TMEM200A: variants seen among roughly 807,000 people sequenced by gnomAD.
TMEM200A encodes two transmembrane C.
In TMEM200A, 12 loss-of-function variants were observed where a neutral mutation model predicts 24.3. The observed-to-expected ratio is 0.49, with a 90% CI of 0.32 to 0.80. The LOEUF is 0.80. Ranked by LOEUF, TMEM200A falls within the 30% of genes least tolerant of loss-of-function variation. The pLI, the probability that TMEM200A is intolerant of heterozygous loss-of-function variation, is 0.04. For synonymous variants in TMEM200A, 224 were observed against 224.4 expected, an observed-to-expected ratio of 1.00 and a Z score of 0.02; for missense variants, 545 against 614.4, an observed-to-expected ratio of 0.89 and a Z score of 1.19.
intron 2 of TMEM200A, among the ~76,000 whole-genome samples, chr6:130,434,236 G>GA (rs559737340): frequency 2.0e-5 from 3 of 152,120 alleles, no homozygotes; most frequent in Non-Finnish European, 2.9e-5. Context: ...GGGACAGCAT[G>GA]AAAAAACAAT....
At chr6:130,405,733 T>C (rs1272296692) in intron 2 of TMEM200A, among the ~76,000 whole-genome samples, 1 of 152,214 alleles carries the variant, frequency 6.6e-6, no homozygotes, top group Non-Finnish European at 1.5e-5. Context: ...AGCAGCCCTC[T>C]TGTGCACACC....
intron 2 of TMEM200A, among the ~76,000 whole-genome samples, chr6:130,417,207 A>G (rs1250181844): frequency 6.6e-6 from 1 of 152,224 alleles, no homozygotes; most frequent in Non-Finnish European, 1.5e-5. Flanking sequence ...GACACATAGT[A>G]GATGCTAATT....
At chr6:130,434,376 G>A (rs1252201776) in intron 2 of TMEM200A, among the ~76,000 whole-genome samples, 1 of 152,222 alleles carries the variant, frequency 6.6e-6, no homozygotes, top group East Asian at 1.9e-4. Context: ...ATGGCTAAAA[G>A]GAATGGCTGG....
At chr6:130,384,602 C>T (rs1778672310) in intron 1 of TMEM200A, among the ~76,000 whole-genome samples, 1 of 152,146 alleles carries the variant, frequency 6.6e-6, no homozygotes, top group Non-Finnish European at 1.5e-5. Context: ...GTGATCCATC[C>T]TGCCTGGCCA....
intron 2 of TMEM200A, among the ~76,000 whole-genome samples, chr6:130,399,161 C>T (rs1779024970): frequency 1.3e-5 from 2 of 152,058 alleles, no homozygotes; most frequent in Admixed American, 6.6e-5. Context: ...TACTTACTCA[C>T]ATTATTGTTC....
At chr6:130,374,791 A>T (rs907453151) in intron 1 of TMEM200A, among the ~76,000 whole-genome samples, 2 of 152,146 alleles carry the variant, frequency 1.3e-5, no homozygotes, top group African/African-American at 4.8e-5. Context: ...CCCAGAAACA[A>T]ACTTCCTGAA....
intron 2 of TMEM200A, among the ~76,000 whole-genome samples, chr6:130,408,586 A>T (rs1311832234): frequency 8.5e-5 from 13 of 152,116 alleles, no homozygotes; most frequent in African/African-American, 3.1e-4. Context: ...GGCATGAGGA[A>T]ATATCTGTGG....
intron 2 of TMEM200A, among the ~76,000 whole-genome samples, chr6:130,409,384 A>G (rs577257515): frequency 1.3e-5 from 2 of 152,308 alleles, no homozygotes; most frequent in East Asian, 3.9e-4. Flanking sequence ...GTCAGAAATA[A>G]TCTCAAATAC....
rs777581009 is a variant in TMEM200A, at chr6:130,441,163, C to G, written c.741C>G (p.Leu247=). The G allele has an allele frequency of 3.1e-6, 5 of 1,613,958 alleles. No homozygotes were observed. The African/African-American group carries it at 5.3e-5, about 17-fold the overall frequency. ...CTGGGCATCTTATGCCCCCTTTGCT[C>G]TCTGACAGCTCTGTGTCTGTCTTTG... is the stretch of plus-strand genomic sequence containing the variant. ...KSSGHLMPPL[L]SDSSVSVFGL... The change falls in exon 3 of 3, where the codon CTC becomes CTG. Residue 247 remains leucine (L), a synonymous_variant. Coordinates refer to ENST00000296978, the MANE Select transcript of TMEM200A (RefSeq NM_001258277.2).
At chr6:130,435,027 T>C (rs2115222484) in intron 2 of TMEM200A, among the ~76,000 whole-genome samples, 1 of 150,720 alleles carries the variant, frequency 6.6e-6, no homozygotes, top group East Asian at 1.9e-4. Flanking sequence ...TTAGCAAAAT[T>C]GTGGCTGGTT....
In TMEM200A at chr6:130,443,035, A is replaced by G. The variant is rs1307053937; in HGVS notation, c.*1137A>G. ...TTGTGTTTCTTAGTCACTGAAGATA[A>G]TAAATATTAAAATGGATGTTTTCAT... On this transcript the variant is annotated 3_prime_UTR_variant, in exon 3 of 3. Transcript: ENST00000296978. The G allele has an allele frequency of 6.0e-6, 1 of 166,836 alleles. No individual in the cohort carries two copies. Among genetic ancestry groups the G allele is most frequent in the Admixed American group, 6.5e-5 (1 of 15,274 alleles). 10.3% of individuals were successfully genotyped at this position (166,836 alleles called of 1,614,324 possible).
At chr6:130,422,613 A>G (rs1165119189) in intron 2 of TMEM200A, among the ~76,000 whole-genome samples, 1 of 152,058 alleles carries the variant, frequency 6.6e-6, no homozygotes, top group Non-Finnish European at 1.5e-5. Flanking sequence ...AATGATCCTA[A>G]TTATTTCTCC....
At chr6:130,430,938 T>G (rs1779860913) in intron 2 of TMEM200A, among the ~76,000 whole-genome samples, 1 of 152,224 alleles carries the variant, frequency 6.6e-6, no homozygotes, top group African/African-American at 2.4e-5. Flanking sequence ...GTACAGTATA[T>G]TAGTCTGTGG....
At chr6:130,426,460 G>GT (rs1554284272) in intron 2 of TMEM200A, among the ~76,000 whole-genome samples, 38 of 141,346 alleles carry the variant, frequency 2.7e-4, no homozygotes, top group African/African-American at 9.3e-4. Context: ...CCTTTCTGCA[G>GT]CCCCCCCCCC....
At chr6:130,416,337 CTGTG>C (rs776308849) in intron 2 of TMEM200A, among the ~76,000 whole-genome samples, 2 of 149,044 alleles carry the variant, frequency 1.3e-5, no homozygotes, top group African/African-American at 5.1e-5. Flanking sequence ...GTCTCTCTCT[CTGTG>C]TGTGTGTGTG....
chr6:130,400,600 C>A (rs1371285048), intron 2 of TMEM200A, among the ~76,000 whole-genome samples: 1 of 151,604 alleles, frequency 6.6e-6, no homozygotes, highest in Non-Finnish European at 1.5e-5. Flanking sequence ...TTTCAATGGA[C>A]ATGTTTATTT....
chr6:130,431,161 CT>C (rs1474668259), intron 2 of TMEM200A, among the ~76,000 whole-genome samples: 27 of 152,278 alleles, frequency 1.8e-4, no homozygotes, highest in African/African-American at 5.5e-4. Flanking sequence ...TGTCCTCCAG[CT>C]TTCCCCTTGC....
At chr6:130,396,613 T>C (rs1333825239) in intron 2 of TMEM200A, among the ~76,000 whole-genome samples, 1 of 152,104 alleles carries the variant, frequency 6.6e-6, no homozygotes, top group Non-Finnish European at 1.5e-5. Context: ...ATATACATTA[T>C]ATATACACAC....
At chr6:130,423,460 T>G (rs1779651904) in intron 2 of TMEM200A, among the ~76,000 whole-genome samples, 1 of 152,150 alleles carries the variant, frequency 6.6e-6, no homozygotes, top group Non-Finnish European at 1.5e-5. Flanking sequence ...TACACCCTAA[T>G]TAGTTGGAAA....
Sources: allele counts gnomAD v4.1 joint callset (sites outside exome capture counted in the v4.1 genomes callset), GRCh38; gene constraint gnomAD v4.1.1; transcripts MANE v1.5; gene names NCBI Gene and HGNC (gene_info 2026-07-23, HGNC 2026-07-21).